ADCY7: variants seen among roughly 807,000 people sequenced by gnomAD.
The protein encoded by ADCY7 is adenylate cyclase type 7.
ADCY7 carries 72 observed loss-of-function variants against 120.6 expected under a neutral mutation model. The ratio of observed to expected loss-of-function variants is 0.60; its 90% CI spans 0.49 to 0.73. The LOEUF (loss-of-function observed/expected upper bound fraction) is 0.73. Among genes scored for constraint, ADCY7 ranks in the 30% least tolerant of loss-of-function variants. The pLI, the probability that ADCY7 is intolerant of heterozygous loss-of-function variation, is 0.00. For missense variants in ADCY7, 1,227 were observed against 1,486.0 expected (o/e 0.83, Z 2.87); for synonymous variants, 661 against 628.0 (o/e 1.05, Z -0.78).
chr16:50,306,256 A>G (rs1303808539), intron 14 of ADCY7, among the ~76,000 whole-genome samples: 3 of 152,156 alleles, frequency 2.0e-5, no homozygotes, highest in Admixed American at 6.5e-5. Context: ...CCATTTCTTT[A>G]CTGAGCGCCT....
At chr16:50,260,535 A>T (rs1041397876) in intron 1 of ADCY7, among the ~76,000 whole-genome samples, 2 of 152,124 alleles carry the variant, frequency 1.3e-5, no homozygotes, top group African/African-American at 4.8e-5. Context: ...TGTATTTGTA[A>T]TCTATTGCTG....
chr16:50,293,098 G>A (rs549186895), intron 5 of ADCY7, among the ~76,000 whole-genome samples: 68 of 152,330 alleles, frequency 4.5e-4, no homozygotes, highest in Admixed American at 4.4e-3. Flanking sequence ...CATCAGCTTA[G>A]CCTCCCCAGC....
intron 1 of ADCY7, among the ~76,000 whole-genome samples, chr16:50,256,262 G>T (rs373592401): frequency 6.6e-6 from 1 of 152,136 alleles, no homozygotes; most frequent in Non-Finnish European, 1.5e-5. Flanking sequence ...AATGGGCAAA[G>T]AACCTGAATA....
rs1022824454 is a variant in ADCY7 at position 50,305,470 on chromosome 16, T to A, written c.1596-33T>A. 3.8e-6 allele frequency: 6 copies of A among 1,597,176 alleles called. No individual in the cohort carries two copies. In the African/African-American group the frequency reaches 8.0e-5, roughly 21 times the overall value. On this transcript the variant is annotated intron_variant, in intron 12 of 25. Transcript: ENST00000673801. ...CTCTGGGAGAGTTGGAGGTGGTCGC[T>A]GTGCTGATGCAGTTGTGGGTATCTG...
At position 50,297,958 on chromosome 16, in the gene ADCY7, A is replaced by G. The variant is rs2035464966; in HGVS notation, c.949-946A>G. Among the ~76,000 whole-genome samples the G allele has an allele frequency of 6.6e-6, 1 of 151,768 alleles. No individual in the cohort carries two copies. Among genetic ancestry groups the G allele is most frequent in the Admixed American group, 6.6e-5 (1 of 15,252 alleles). ...AGCCCCACCCATGAGGCCTCGGTGC[A>G]TGTGGCCACCCTTGCTGAGGGCTTA... On this transcript the variant is annotated intron_variant, in intron 7 of 25. Coordinates refer to ENST00000673801, the MANE Select transcript of ADCY7 (RefSeq NM_001114.5). The surrounding 1 kb of genome is among the most constrained non-coding windows in gnomAD (Gnocchi z 4.4).
upstream of ADCY7, among the ~76,000 whole-genome samples, chr16:50,244,820 G>A (rs751380120): frequency 2.8e-4 from 43 of 152,344 alleles, no homozygotes; most frequent in Admixed American, 1.4e-3. Context: ...CCGATGAGTA[G>A]TGGAGTCGCA....
At chr16:50,308,220 A>T in intron 15 of ADCY7, 107 bp from the exon 16 acceptor site, 4 of 1,593,602 alleles carry the variant, frequency 2.5e-6, no homozygotes. Flanking sequence ...TGTGGGCAGA[A>T]TACCAGGTAG....
intron 1 of ADCY7, among the ~76,000 whole-genome samples, chr16:50,287,638 C>T (rs1224078879): frequency 6.6e-6 from 1 of 150,960 alleles, no homozygotes; most frequent in East Asian, 2.0e-4. Context: ...TATGATCGTG[C>T]CACTGCACTC....
chr16:50,293,413 C>A lies in ADCY7; in HGVS notation c.747C>A (p.Ile249=). The A allele has an allele frequency of 6.2e-7, 1 of 1,614,070 alleles. No homozygotes were observed. Among genetic ancestry groups the A allele is most frequent in the Non-Finnish European group, 8.5e-7 (1 of 1,180,014 alleles). ...AHISMGMKLA[I]IERLKEHGDR... ...TCTCCATGGGCATGAAGCTGGCCAT[C>A]ATCGAACGGCTCAAGGAGCATGGTG... Residue 249 remains isoleucine (I), a synonymous_variant, in exon 6 of 26, where the codon ATC becomes ATA. Transcript: ENST00000673801.
chr16:50,286,421 C>A (rs2034583095), intron 1 of ADCY7, among the ~76,000 whole-genome samples: 2 of 117,332 alleles, frequency 1.7e-5, no homozygotes, highest in Admixed American at 1.7e-4. Context: ...CAGAGTGAGA[C>A]CCCATCTCAA....
At position 50,305,488 on chromosome 16, in the gene ADCY7, G is replaced by A. The variant is rs1322682169; in HGVS notation, c.1596-15G>A. Reference sequence around the variant, plus strand: ...TGGTCGCTGTGCTGATGCAGTTGTGGGTATCTGATTCCAGAAGCATGTCCC... The same window carrying A: ...TGGTCGCTGTGCTGATGCAGTTGTGAGTATCTGATTCCAGAAGCATGTCCC... On this transcript the variant is annotated splice_polypyrimidine_tract_variant and intron_variant, in intron 12 of 25. Coordinates refer to ENST00000673801, the MANE Select transcript of ADCY7 (RefSeq NM_001114.5). 6.2e-7 allele frequency: 1 copy of A among 1,611,954 alleles called. No individual in the cohort carries two copies. Among genetic ancestry groups the A allele is most frequent in the East Asian group, 2.2e-5 (1 of 44,882 alleles).
intron 18 of ADCY7, 141 bp from the exon 19 acceptor site, chr16:50,310,543 CATT>C (rs1163990811): frequency 3.9e-6 from 6 of 1,547,824 alleles, no homozygotes; most frequent in East Asian, 2.4e-5. Context: ...TCTTAGGTCT[CATT>C]GTTTTTTGTT....
chr16:50,299,562 C>A (rs987952914), intron 8 of ADCY7, among the ~76,000 whole-genome samples: 2 of 152,224 alleles, frequency 1.3e-5, no homozygotes, highest in Admixed American at 1.3e-4. Flanking sequence ...GCAGGCCCAG[C>A]CAGGCTGACC....
chr16:50,255,268 G>C (rs143410197), intron 1 of ADCY7, among the ~76,000 whole-genome samples: 134 of 151,330 alleles, frequency 8.9e-4, no homozygotes, highest in African/African-American at 3.2e-3. Flanking sequence ...CTGTACACCA[G>C]CCTAGGTGAC....
At chr16:50,251,343 C>T (rs571614343) in intron 1 of ADCY7, among the ~76,000 whole-genome samples, 2 of 152,208 alleles carry the variant, frequency 1.3e-5, no homozygotes, top group African/African-American at 2.4e-5. Context: ...TGGCACTCAT[C>T]GAGCATTAGC....
At chr16:50,309,034 C>T in intron 17 of ADCY7, 3 of 444,888 alleles carry the variant, frequency 6.7e-6, no homozygotes, top group Admixed American at 3.9e-5. Flanking sequence ...CTTGAGCCAC[C>T]ACATCCTGAC....
chr16:50,284,520 G>C (rs1490205879), intron 1 of ADCY7, among the ~76,000 whole-genome samples: 2 of 152,238 alleles, frequency 1.3e-5, no homozygotes, highest in African/African-American at 2.4e-5. Flanking sequence ...GGCCGCCTCA[G>C]CTCTGGTCTG....
chr16:50,271,565 G>T (rs1475333244), intron 1 of ADCY7, among the ~76,000 whole-genome samples: 2 of 152,166 alleles, frequency 1.3e-5, no homozygotes, highest in Non-Finnish European at 2.9e-5. Flanking sequence ...ACAGCCATCT[G>T]GTCAGTTTCT....
intron 1 of ADCY7, among the ~76,000 whole-genome samples, chr16:50,282,178 A>G (rs2034314193): frequency 6.6e-6 from 1 of 152,212 alleles, no homozygotes; most frequent in African/African-American, 2.4e-5. Context: ...TTCTGCCAAC[A>G]GTGGCCGGGT....
Sources: gnomAD v4.1 joint callset for allele counts (sites outside exome capture counted in the v4.1 genomes callset) on GRCh38, gnomAD v4.1.1 for gene constraint, Gnocchi (gnomAD v3.1) non-coding constraint, MANE v1.5 for transcripts, NCBI Gene and HGNC (gene_info 2026-07-23, HGNC 2026-07-21) for gene names.